The following NINL variants were observed in gnomAD, a reference collection of about 807,000 sequenced individuals.
NINL encodes the protein ninein-like protein.
In NINL, 153 loss-of-function variants were observed where a neutral mutation model predicts 160.3. The ratio of observed to expected loss-of-function variants is 0.95; its 90% CI spans 0.84 to 1.09. NINL has a LOEUF of 1.09. Among genes scored for constraint, NINL ranks in the 50% least tolerant of loss-of-function variants. The pLI is 0.00. For missense variants in NINL, 1,829 were observed against 1,764.0 expected (o/e 1.04, Z -0.66); for synonymous variants, 800 against 734.8 (o/e 1.09, Z -1.43).
At chr20:25,568,073 G>C (rs1262157287) in intron 1 of NINL, among the ~76,000 whole-genome samples, 2 of 151,514 alleles carry the variant, frequency 1.3e-5, no homozygotes, top group Non-Finnish European at 2.9e-5. Flanking sequence ...AAATAACAAA[G>C]AGGGGAAATC....
intron 5 of NINL, among the ~76,000 whole-genome samples, chr20:25,507,677 G>A (rs1240039909): frequency 6.6e-6 from 1 of 152,140 alleles, no homozygotes; most frequent in Non-Finnish European, 1.5e-5. Context: ...TGCTGGTAAC[G>A]GGAAAGCCAC....
At chr20:25,481,465 C>T (rs1453708168) in intron 14 of NINL, among the ~76,000 whole-genome samples, 1 of 152,128 alleles carries the variant, frequency 6.6e-6, no homozygotes, top group Non-Finnish European at 1.5e-5. Flanking sequence ...TGTCCTAATC[C>T]CATTGGCTGC....
At chr20:25,493,810 G>A (rs903313044) in intron 10 of NINL, among the ~76,000 whole-genome samples, 1 of 152,016 alleles carries the variant, frequency 6.6e-6, no homozygotes, top group Non-Finnish European at 1.5e-5. Flanking sequence ...CTCAGGGCAG[G>A]GAACTCGGGC....
intron 2 of NINL, among the ~76,000 whole-genome samples, chr20:25,519,279 A>G (rs2064220876): frequency 1.3e-5 from 2 of 152,158 alleles, no homozygotes; most frequent in Non-Finnish European, 2.9e-5. Context: ...CCTGACTTCA[A>G]TGCCTTTGTT....
intron 2 of NINL, among the ~76,000 whole-genome samples, chr20:25,520,143 C>T (rs2064237510): frequency 6.6e-6 from 1 of 151,642 alleles, no homozygotes; most frequent in South Asian, 2.1e-4. Context: ...CAAAAAGAGA[C>T]ATGATGAGGG....
At chr20:25,467,507 G>A (rs775921041) in intron 18 of NINL, 49 bp from the exon 19 acceptor site, 1 of 1,440,466 alleles carries the variant, frequency 6.9e-7, no homozygotes, top group South Asian at 1.1e-5. Context: ...ACCAACCAGT[G>A]CCTTCTTTCC....
intron 17 of NINL, 66 bp downstream of exon 17, chr20:25,475,977 G>T: frequency 6.7e-7 from 1 of 1,502,108 alleles, no homozygotes; most frequent in Non-Finnish European, 9.1e-7. Flanking sequence ...AGCAACAGGG[G>T]TCAGTGGGTT....
intron 1 of NINL, among the ~76,000 whole-genome samples, chr20:25,545,347 G>A (rs1374070128): frequency 6.6e-6 from 1 of 152,188 alleles, no homozygotes; most frequent in African/African-American, 2.4e-5. Flanking sequence ...GGGAAAATAA[G>A]CTTGTAATCA....
chr20:25,454,198 G>C (rs1266254183), intron 23 of NINL, among the ~76,000 whole-genome samples: 2 of 152,220 alleles, frequency 1.3e-5, no homozygotes, highest in Non-Finnish European at 2.9e-5. Context: ...AGGACTTCAG[G>C]CAAAAGTGGC....
At position 25,494,553 on chromosome 20, in the gene NINL, T is replaced by C. The variant is rs543168340; in HGVS notation, c.1310+2110A>G. Among the ~76,000 whole-genome samples, 6 of 152,272 alleles carry C rather than the reference T, an allele frequency of 3.9e-5. No individual in the cohort carries two copies. The South Asian group carries it at 1.0e-3, about 26-fold the overall frequency. On this transcript the variant is annotated intron_variant, in intron 10 of 23. Transcript: ENST00000278886. ...GAGGCACATGTAGATCTGGACCTGC[T>C]GTGTACAGCCGTCCCCAGCCAGCCC...
At chr20:25,479,268 G>A (rs551964874) in intron 15 of NINL, 62 bp from the exon 16 acceptor site, 7 of 1,533,232 alleles carry the variant, frequency 4.6e-6, no homozygotes, top group Non-Finnish European at 5.3e-6. Flanking sequence ...TGCTGCTGAC[G>A]TAACACAGAA....
chr20:25,520,018 A>AAAAAAAG, intron 2 of NINL, among the ~76,000 whole-genome samples: 1 of 129,290 alleles, frequency 7.7e-6, no homozygotes, highest in Non-Finnish European at 1.6e-5. Flanking sequence ...AAAAAAAAAA[A>AAAAAAAG]GGCCAGAGAG....
intron 17 of NINL, among the ~76,000 whole-genome samples, chr20:25,471,062 C>T (rs867628485): frequency 1.3e-5 from 2 of 152,140 alleles, no homozygotes; most frequent in African/African-American, 2.4e-5. Context: ...TTCTGTCACC[C>T]AGGCTGGAGT....
At chr20:25,562,046 G>A (rs1369823495) in intron 1 of NINL, among the ~76,000 whole-genome samples, 7 of 145,666 alleles carry the variant, frequency 4.8e-5, no homozygotes, top group South Asian at 2.2e-4. Context: ...CCCTCTGCCC[G>A]GCCAGCCGCC....
At position 25,526,559 on chromosome 20, in the gene NINL, G is replaced by A. The variant is rs764773395; in HGVS notation, c.29C>T (p.Ser10Leu). Residue 10 changes from serine (S) to leucine (L), a missense_variant, in exon 2 of 24, where the codon TCG (serine) becomes TTG (leucine). Coordinates refer to ENST00000278886, the MANE Select transcript of NINL (RefSeq NM_025176.6). MDEEENHYV[S>L]QLREVYSSCD... ...GCTGCTGTAGACTTCCCTGAGCTGC[G>A]AGACATAGTGGTTCTCTTCTTCATC... 5.0e-6 allele frequency: 8 copies of A among 1,614,080 alleles called. No homozygotes were observed. Among genetic ancestry groups the A allele is most frequent in the South Asian group, 4.4e-5 (4 of 91,086 alleles).
chr20:25,532,713 A>G (rs910308584), intron 1 of NINL, among the ~76,000 whole-genome samples: 2 of 152,238 alleles, frequency 1.3e-5, no homozygotes, highest in African/African-American at 4.8e-5. Flanking sequence ...CAGACACAGC[A>G]GGTCTACAAG....
intron 11 of NINL, 89 bp downstream of exon 11, chr20:25,491,262 T>G: frequency 6.9e-6 from 10 of 1,450,608 alleles, no homozygotes; most frequent in Non-Finnish European, 9.3e-6. Context: ...CTGGCAGGTG[T>G]GGATCTGGAT....
chr20:25,557,941 C>T (rs1312118591), intron 1 of NINL, among the ~76,000 whole-genome samples: 2 of 147,460 alleles, frequency 1.4e-5, no homozygotes, highest in Non-Finnish European at 3.0e-5. Flanking sequence ...CCAACCTGGC[C>T]GACATGGTGA....
At chr20:25,461,692 A>C (rs1344718115) in intron 20 of NINL, 57 bp from the exon 21 acceptor site, 10 of 1,182,374 alleles carry the variant, frequency 8.5e-6, no homozygotes, top group Non-Finnish European at 1.1e-5. Flanking sequence ...TCTGGTATGT[A>C]ATTCGTGCAA....
Sources: allele counts gnomAD v4.1 joint callset (sites outside exome capture counted in the v4.1 genomes callset), GRCh38; gene constraint gnomAD v4.1.1; transcripts MANE v1.5; gene names NCBI Gene and HGNC (gene_info 2026-07-23, HGNC 2026-07-21).